Variants in ZGRF1 observed in about 807,000 individuals in gnomAD.
The protein encoded by ZGRF1 is 5'-3' DNA helicase ZGRF1.
A neutral mutation model predicts 203.5 loss-of-function variants in ZGRF1; 196 were observed. The observed-to-expected ratio is 0.96, with a 90% CI of 0.86 to 1.08. The LOEUF is 1.08. ZGRF1 is among the 50% of genes least tolerant of loss of function. ZGRF1 has a pLI of 0.00. For missense variants in ZGRF1, 2,326 were observed against 2,416.3 expected (o/e 0.96, Z 0.78); for synonymous variants, 809 against 841.3 (o/e 0.96, Z 0.66).
At chr4:112,594,452 GTTT>G (rs780636381) in intron 10 of ZGRF1, among the ~76,000 whole-genome samples, 5 of 139,666 alleles carry the variant, frequency 3.6e-5, no homozygotes, top group Non-Finnish European at 6.3e-5. Context: ...TTTCGGTTTG[GTTT>G]TTTTTTTTTT....
chr4:112,572,324 G>A (rs1744349516), intron 16 of ZGRF1, among the ~76,000 whole-genome samples: 7 of 152,108 alleles, frequency 4.6e-5, no homozygotes. Flanking sequence ...TTCAACAAAT[G>A]GTGCTGGGAT....
At chr4:112,577,318 A>G (rs905242070) in intron 16 of ZGRF1, among the ~76,000 whole-genome samples, 1 of 123,420 alleles carries the variant, frequency 8.1e-6, no homozygotes, top group African/African-American at 2.8e-5. Context: ...CAGCCACTGC[A>G]AAAACATGCC....
intron 4 of ZGRF1, among the ~76,000 whole-genome samples, chr4:112,621,701 A>G (rs777016626): frequency 2.7e-5 from 4 of 149,752 alleles, no homozygotes; most frequent in Non-Finnish European, 4.4e-5. Context: ...TACAAACTCT[A>G]TATCAGATTA....
chr4:112,582,014 T>C (rs978513257), intron 15 of ZGRF1, among the ~76,000 whole-genome samples: 2 of 152,190 alleles, frequency 1.3e-5, no homozygotes, highest in African/African-American at 4.8e-5. Context: ...GATAGAAAAG[T>C]ATCTAAAAGA....
At chr4:112,628,844 C>A (rs762153251) in intron 3 of ZGRF1, 2 of 436,582 alleles carry the variant, frequency 4.6e-6, no homozygotes, top group South Asian at 3.4e-5. Flanking sequence ...ATTTTAAAGA[C>A]ACTGGATCTA....
chr4:112,566,599 A>G (rs1743139917), intron 16 of ZGRF1, among the ~76,000 whole-genome samples: 1 of 152,148 alleles, frequency 6.6e-6, no homozygotes, highest in African/African-American at 2.4e-5. Context: ...TTTTGAATTA[A>G]AAAAATAAAG....
chr4:112,624,313 G>A (rs2047159445), intron 3 of ZGRF1, among the ~76,000 whole-genome samples: 1 of 151,980 alleles, frequency 6.6e-6, no homozygotes, highest in African/African-American at 2.4e-5. Context: ...GTCTAGACCA[G>A]CCTGGCCAAC....
intron 15 of ZGRF1, 32 bp downstream of exon 15, chr4:112,583,946 C>A (rs1252349605): frequency 7.2e-7 from 1 of 1,389,126 alleles, no homozygotes; most frequent in South Asian, 1.4e-5. Context: ...CTTATATAAT[C>A]ACAGGCAATT....
At chr4:112,617,089 A>G (rs1357216689) in intron 6 of ZGRF1, among the ~76,000 whole-genome samples, 1 of 152,176 alleles carries the variant, frequency 6.6e-6, no homozygotes, top group East Asian at 1.9e-4. Context: ...ACTGTCTCCA[A>G]AATAAAAAAA....
rs1742164869 is a variant in ZGRF1, at chr4:112,562,397, T to C, written c.4671A>G (p.Leu1557=). The part of the protein sequence containing the change: ...NIQDYFNPAT[L]PLTQYLLTTS... The stretch of plus-strand genomic sequence containing the variant: ...TTGTTAACAGGTACTGTGTTAGAGG[T>C]AGAGTAGCTGGATTAAAGTAGTCCT... Residue 1557 remains leucine (L), a synonymous_variant, in exon 18 of 28, where the codon CTA becomes CTG. Coordinates refer to ENST00000505019, the MANE Select transcript of ZGRF1 (RefSeq NM_018392.5). The C allele has an allele frequency of 6.2e-7, 1 of 1,606,316 alleles. No homozygotes were observed. Among genetic ancestry groups the C allele is most frequent in the South Asian group, 1.1e-5 (1 of 89,796 alleles).
chr4:112,618,979 G>A lies in ZGRF1; in HGVS notation c.1063C>T (p.Gln355Ter), dbSNP rs2046977094. 1 of 1,613,408 alleles carries A rather than the reference G, an allele frequency of 6.2e-7. No individual in the cohort carries two copies. Among genetic ancestry groups the A allele is most frequent in the South Asian group, 1.1e-5 (1 of 91,026 alleles). Reference protein sequence around the residue: ...GNDTERKPKAQEDDVNSNLKD... With the variant: ...GNDTERKPKA Reference sequence around the variant, plus strand: ...AAATTAGAATTTACATCATCTTCCTGGGCCTTGGGTTTCCTTTCTGTATCA... The same window carrying A: ...AAATTAGAATTTACATCATCTTCCTAGGCCTTGGGTTTCCTTTCTGTATCA... Residue 355 changes from glutamine (Q) to a stop codon, truncating the protein, a stop_gained, in exon 6 of 28, where the codon CAG (glutamine) becomes TAG (stop). Transcript: ENST00000505019. LOFTEE classifies it high-confidence loss of function.
intron 16 of ZGRF1, among the ~76,000 whole-genome samples, chr4:112,567,350 A>G (rs1000471724): frequency 3.9e-5 from 6 of 152,070 alleles, no homozygotes; most frequent in Non-Finnish European, 8.8e-5. Flanking sequence ...GAACACAAAG[A>G]CTTAAAAAAA....
At chr4:112,556,751 G>T (rs1741010810) in intron 20 of ZGRF1, among the ~76,000 whole-genome samples, 1 of 152,150 alleles carries the variant, frequency 6.6e-6, no homozygotes, top group Non-Finnish European at 1.5e-5. Context: ...AAAACAAAAT[G>T]TGTGCATGTA....
chr4:112,574,392 G>T (rs1229316460), intron 16 of ZGRF1, among the ~76,000 whole-genome samples: 1 of 151,860 alleles, frequency 6.6e-6, no homozygotes, highest in Non-Finnish European at 1.5e-5. Flanking sequence ...TTTTAGTAAG[G>T]TCTAAAAAAA....
chr4:112,624,057 G>C (rs756798188), intron 3 of ZGRF1, 181 bp from the exon 4 acceptor site: 73 of 471,226 alleles, frequency 1.5e-4, no homozygotes, highest in Non-Finnish European at 2.5e-4. Flanking sequence ...GTCTGTTTAA[G>C]AGAGTAAAGG....
Position 112,587,303 on chromosome 4 carries a change from T to C in ZGRF1, c.3754A>G (p.Asn1252Asp). 6.2e-7 allele frequency: 1 copy of C among 1,611,182 alleles called. No individual in the cohort carries two copies. Among genetic ancestry groups the C allele is most frequent in the Non-Finnish European group, 8.5e-7 (1 of 1,178,968 alleles). Residue 1252 changes from asparagine to aspartate, a missense_variant, in exon 12 of 28, where the codon AAC (asparagine) becomes GAC (aspartate). By Grantham distance (23) the Asn-to-Asp change is conservative (BLOSUM62 1). Transcript: ENST00000505019. ...KNVLGGSTCYNYSVKDLQEIS... is the reference protein window; with the variant it reads ...KNVLGGSTCYDYSVKDLQEIS... ...ACCTGTAAATCCTTTACACTGTAGT[T>C]GTAGCAGGTAGACCCTCCTAATACA...
intron 7 of ZGRF1, among the ~76,000 whole-genome samples, chr4:112,611,754 G>A (rs1214372668): frequency 1.3e-5 from 2 of 152,144 alleles, no homozygotes; most frequent in Non-Finnish European, 2.9e-5. Context: ...ACTAACTCCA[G>A]GTCTGTTTCT....
chr4:112,547,270 T>C lies in ZGRF1; in HGVS notation c.5598+15A>G, dbSNP rs769348093. ...TCAATAAATGATAATTCCGTAAGAATTCAGCAGTATGTACCATTAAGCAAA... is the reference window on the plus strand; with the variant it reads ...TCAATAAATGATAATTCCGTAAGAACTCAGCAGTATGTACCATTAAGCAAA... On this transcript the variant is annotated intron_variant, in intron 24 of 27. Transcript: ENST00000505019. 1.2e-6 allele frequency: 2 copies of C among 1,600,938 alleles called. No individual in the cohort carries two copies. Among genetic ancestry groups the C allele is most frequent in the Non-Finnish European group, 1.7e-6 (2 of 1,175,814 alleles).
intron 1 of ZGRF1, among the ~76,000 whole-genome samples, chr4:112,634,337 ACC>A (rs939305931): frequency 6.6e-6 from 1 of 152,104 alleles, no homozygotes; most frequent in African/African-American, 2.4e-5. Context: ...AGCTGAAATA[ACC>A]CTTAGTCAAG....
Sources: allele counts gnomAD v4.1 joint callset (sites outside exome capture counted in the v4.1 genomes callset), GRCh38; gene constraint gnomAD v4.1.1; transcripts MANE v1.5; gene names NCBI Gene and HGNC (gene_info 2026-07-23, HGNC 2026-07-21).